RPL10A: variants seen among roughly 807,000 people sequenced by gnomAD.
RPL10A encodes the protein ribosomal protein L10a.
A neutral mutation model predicts 24.6 loss-of-function variants in RPL10A; 11 were observed. The observed-to-expected ratio is 0.45, with a 90% CI of 0.28 to 0.74. The LOEUF (loss-of-function observed/expected upper bound fraction) is 0.74, where lower values mean the gene tolerates loss of function less well. Among genes scored for constraint, RPL10A ranks in the 30% least tolerant of loss-of-function variants. The probability of loss-of-function intolerance (pLI) is 0.13; values close to 1 mark genes in which losing one functional copy is unlikely to be tolerated. For synonymous variants in RPL10A, 98 were observed against 108.5 expected (o/e 0.90, Z 0.60); for missense variants, 136 against 273.1 (o/e 0.50, Z 3.54).
In RPL10A at chr6:35,469,498, C is replaced by G. The variant is rs991411945; in HGVS notation, c.279C>G (p.Leu93=). The G allele has an allele frequency of 6.2e-7, 1 of 1,614,016 alleles. No homozygotes were observed. The highest frequency in any genetic ancestry group is 8.5e-7 in the Non-Finnish European group (1 of 1,179,970). ...TGGACATCGAGGCGCTGAAAAAACT[C>G]AACAAGAATAAAAAACTGGTCAAGA... is the stretch of plus-strand genomic sequence containing the variant. ...PHMDIEALKK[L]NKNKKLVKKL... The change falls in exon 4 of 6, where the codon CTC becomes CTG. Residue 93 remains leucine (L), a synonymous_variant. Transcript: ENST00000322203.
intron 3 of RPL10A, 122 bp from the exon 4 acceptor site, chr6:35,469,259 G>C: frequency 6.7e-7 from 1 of 1,502,520 alleles, no homozygotes; most frequent in Non-Finnish European, 8.9e-7. Flanking sequence ...AAGCCAGGCT[G>C]GCTGCTGGTG....
intron 3 of RPL10A, 66 bp from the exon 4 acceptor site, chr6:35,469,315 A>C: frequency 6.6e-7 from 1 of 1,523,270 alleles, no homozygotes; most frequent in South Asian, 1.3e-5. Context: ...GCGGTCCCAG[A>C]CCCTTCACCG....
Position 35,470,438 on chromosome 6 carries a change from C to A in RPL10A, c.483+87C>A. ...GTCTCTAAATATGCCAGTAAGAGCA[C>A]CCACCAGGATTGAAACTTTTGGAGT... On this transcript the variant is annotated intron_variant, in intron 5 of 5. Coordinates refer to ENST00000322203, the MANE Select transcript of RPL10A (RefSeq NM_007104.5). The surrounding 1 kb of genome is among the most constrained non-coding windows in gnomAD (Gnocchi z 4.6). 6.6e-7 allele frequency: 1 copy of A among 1,516,538 alleles called. No homozygotes were observed. The highest frequency in any genetic ancestry group is 8.9e-7 in the Non-Finnish European group (1 of 1,117,824). 93.9% of individuals were successfully genotyped at this position (1,516,538 alleles called of 1,614,324 possible).
intron 3 of RPL10A, 33 bp from the exon 4 acceptor site, chr6:35,469,348 C>A (rs769580401): frequency 6.4e-7 from 1 of 1,569,312 alleles, no homozygotes; most frequent in Non-Finnish European, 8.6e-7. Context: ...CAGGGCTAGG[C>A]GTAACCTGTT....
chr6:35,469,286 G>A (rs1767970674), intron 3 of RPL10A, 95 bp from the exon 4 acceptor site: 1 of 1,510,256 alleles, frequency 6.6e-7, no homozygotes, highest in East Asian at 2.3e-5. Flanking sequence ...AACGCTCCGG[G>A]TAAGGCTCGG....
rs1185767869 is a variant in RPL10A at position 35,470,716 on chromosome 6, A to G, written c.620A>G (p.Lys207Arg). Residue 207 changes from lysine (K) to arginine (R), a missense_variant, in exon 6 of 6, where the codon AAG (lysine) becomes AGG (arginine). Lys to Arg is a conservative substitution (Grantham distance 26). Transcript: ENST00000322203. This position sits in a 1 kb window ranked among gnomAD's most constrained non-coding sequence, Gnocchi z 4.6. ...NWQNVRALYI[K>R]STMGKPQRLY ...CAGAATGTCCGGGCCTTATATATCA[A>G]GAGCACCATGGGCAAGCCCCAGCGC... 3.7e-6 allele frequency: 6 copies of G among 1,605,756 alleles called. No homozygotes were observed. The highest frequency in any genetic ancestry group is 5.1e-6 in the Non-Finnish European group (6 of 1,179,990).
chr6:35,470,511 GGGGA>G lies in RPL10A; in HGVS notation c.484-66_484-63del. The G allele has an allele frequency of 2.0e-6, 3 of 1,534,522 alleles. No individual in the cohort carries two copies. Among genetic ancestry groups the G allele is most frequent in the South Asian group, 1.2e-5 (1 of 83,268 alleles). ...CAAGTACCTGCTCACCAGGCCACTGGGGGAGGAAGGACAGGCCATCTGCTATTCG... is the reference window on the plus strand; with the variant it reads ...CAAGTACCTGCTCACCAGGCCACTGGGGAAGGACAGGCCATCTGCTATTCG... On this transcript the variant is annotated intron_variant, in intron 5 of 5. Coordinates refer to ENST00000322203, the MANE Select transcript of RPL10A (RefSeq NM_007104.5). This position sits in a 1 kb window ranked among gnomAD's most constrained non-coding sequence, Gnocchi z 4.6.
intron 3 of RPL10A, 147 bp from the exon 4 acceptor site, chr6:35,469,234 G>A: frequency 2.0e-6 from 3 of 1,484,878 alleles, no homozygotes; most frequent in Non-Finnish European, 2.7e-6. Flanking sequence ...GGCCGAGCCC[G>A]CCGGCCAGCC....
At position 35,469,371 on chromosome 6, in the gene RPL10A, C is replaced by T. The variant is rs1767974836; in HGVS notation, c.162-10C>T. 6.3e-7 allele frequency: 1 copy of T among 1,596,286 alleles called. No individual in the cohort carries two copies. The highest frequency in any genetic ancestry group is 1.1e-5 in the South Asian group (1 of 88,684). Reference sequence around the variant, plus strand: ...GGCGTAACCTGTTGGTGCTGTCCCCCAAAACGCAGGCTTAAGTCCACTCCC... The same window carrying T: ...GGCGTAACCTGTTGGTGCTGTCCCCTAAAACGCAGGCTTAAGTCCACTCCC... On this transcript the variant is annotated splice_polypyrimidine_tract_variant and intron_variant, in intron 3 of 5. Coordinates refer to ENST00000322203, the MANE Select transcript of RPL10A (RefSeq NM_007104.5).
At chr6:35,469,353 C>A (rs1341166226) in intron 3 of RPL10A, 28 bp from the exon 4 acceptor site, 1 of 1,574,010 alleles carries the variant, frequency 6.4e-7, no homozygotes. Context: ...CTAGGCGTAA[C>A]CTGTTGGTGC....
Position 35,470,609 on chromosome 6 carries a change from C to T in RPL10A, c.513C>T (p.His171=), listed in dbSNP as rs144096254. 55 of 1,613,912 alleles carry T rather than the reference C, an allele frequency of 3.4e-5. 1 individual carries two copies. The highest frequency in any genetic ancestry group is 3.3e-4 in the Middle Eastern group (2 of 6,058). The change falls in exon 6 of 6, where the codon CAC becomes CAT. Residue 171 remains histidine, a synonymous_variant. Transcript: ENST00000322203. The surrounding 1 kb of genome is among the most constrained non-coding windows in gnomAD (Gnocchi z 4.6). The part of the protein sequence containing the change: ...KVLCLAVAVG[H]VKMTDDELVY... ...TATGTCTGGCTGTAGCTGTTGGTCA[C>T]GTGAAGATGACAGACGATGAGCTTG... is the stretch of plus-strand genomic sequence containing the variant.
chr6:35,469,988 A>T (rs1445114119), intron 4 of RPL10A, among the ~76,000 whole-genome samples, 191 bp from the exon 5 acceptor site: 1 of 152,018 alleles, frequency 6.6e-6, no homozygotes, highest in Non-Finnish European at 1.5e-5. Context: ...ATGTTTTGGG[A>T]CCAGTGAAGG....
At position 35,468,478 on chromosome 6, in the gene RPL10A, G is replaced by A. The variant is rs765414261; in HGVS notation, c.5+39G>A. 73 of 1,613,684 alleles carry A rather than the reference G, an allele frequency of 4.5e-5. 4 individuals are homozygous for A. The South Asian group carries it at 7.8e-4, about 17-fold the overall frequency. On this transcript the variant is annotated intron_variant, in intron 1 of 5. Transcript: ENST00000322203. ...GAAAGCCCTATCCGCGTTCATCCGC[G>A]CCTTCAGGTGCCCCGCCGAGGGTTC...
In RPL10A at chr6:35,468,452, T is replaced by G. The variant is rs765658864; in HGVS notation, c.5+13T>G. On this transcript the variant is annotated intron_variant, in intron 1 of 5. Transcript: ENST00000322203. ...GAGAAGCCATGAGGTGAGTTGGTCC[T>G]GAAAGCCCTATCCGCGTTCATCCGC... 1 of 1,613,888 alleles carries G rather than the reference T, an allele frequency of 6.2e-7. No individual in the cohort carries two copies. The highest frequency in any genetic ancestry group is 1.7e-5 in the Admixed American group (1 of 60,008).
chr6:35,470,506 C>A lies in RPL10A; in HGVS notation c.484-74C>A. 6.6e-7 allele frequency: 1 copy of A among 1,523,356 alleles called. No individual in the cohort carries two copies. The highest frequency in any genetic ancestry group is 9.0e-7 in the Non-Finnish European group (1 of 1,111,200). The allele number at this position is 1,523,356 out of a possible 1,614,324, so 94.4% of individuals were successfully genotyped here. ...GGGTCCAAGTACCTGCTCACCAGGCCACTGGGGGAGGAAGGACAGGCCATC... is the reference window on the plus strand; with the variant it reads ...GGGTCCAAGTACCTGCTCACCAGGCAACTGGGGGAGGAAGGACAGGCCATC... On this transcript the variant is annotated intron_variant, in intron 5 of 5. Transcript: ENST00000322203. This position sits in a 1 kb window ranked among gnomAD's most constrained non-coding sequence, Gnocchi z 4.6.
Position 35,470,509 on chromosome 6 carries a change from T to TG in RPL10A, c.484-66dup. The TG allele has an allele frequency of 7.2e-6, 11 of 1,532,840 alleles. No individual in the cohort carries two copies. Among genetic ancestry groups the TG allele is most frequent in the Non-Finnish European group, 9.8e-6 (11 of 1,118,874 alleles). 95.0% of individuals were successfully genotyped at this position (1,532,840 alleles called of 1,614,324 possible). ...TCCAAGTACCTGCTCACCAGGCCAC[T>TG]GGGGGAGGAAGGACAGGCCATCTGC... On this transcript the variant is annotated intron_variant, in intron 5 of 5. Transcript: ENST00000322203. The surrounding 1 kb of genome is among the most constrained non-coding windows in gnomAD (Gnocchi z 4.6).
chr6:35,468,925 TA>T (rs1767953929), intron 2 of RPL10A, 21 bp from the exon 3 acceptor site: 1 of 1,613,828 alleles, frequency 6.2e-7, no homozygotes, highest in Non-Finnish European at 8.5e-7. Flanking sequence ...GGCGGGTGCT[TA>T]ACCCCCCTCC....
At position 35,470,188 on chromosome 6, in the gene RPL10A, A is replaced by T. The variant is rs1768000189; in HGVS notation, c.320A>T (p.Tyr107Phe). The T allele has an allele frequency of 6.2e-7, 1 of 1,613,236 alleles. No individual in the cohort carries two copies. The highest frequency in any genetic ancestry group is 1.3e-5 in the African/African-American group (1 of 74,914). The stretch of plus-strand genomic sequence containing the variant: ...TTCCTCTCTCTATCAGCCAAGAAGT[A>T]TGATGCGTTTTTGGCCTCAGAGTCT... ...KKLVKKLAKKYDAFLASESLI... is the reference protein window; with the variant it reads ...KKLVKKLAKKFDAFLASESLI... The change falls in exon 5 of 6, where the codon TAT becomes TTT. Residue 107 changes from tyrosine to phenylalanine, a missense_variant. Around this residue, in one of 3 missense-constraint regions of RPL10A, gnomAD observed 88 missense variants for 149.2 expected, o/e 0.59. Coordinates refer to ENST00000322203, the MANE Select transcript of RPL10A (RefSeq NM_007104.5). This position sits in a 1 kb window ranked among gnomAD's most constrained non-coding sequence, Gnocchi z 4.6.
chr6:35,468,968 G>T lies in RPL10A; in HGVS notation c.102G>T (p.Leu34Phe). Residue 34 changes from leucine (L) to phenylalanine (F), a missense_variant, in exon 3 of 6, where the codon TTG (leucine) becomes TTT (phenylalanine). Physicochemically the swap from Leu to Phe is conservative, Grantham distance 22. Transcript: ENST00000322203. The stretch of plus-strand genomic sequence containing the variant: ...GAAGGTTCCTGGAGACGGTGGAGTT[G>T]CAGATCAGCTTGAAGAACTATGATC... ...KRRKFLETVELQISLKNYDPQ... is the reference protein window; with the variant it reads ...KRRKFLETVEFQISLKNYDPQ... 1 of 1,613,912 alleles carries T rather than the reference G, an allele frequency of 6.2e-7. No homozygotes were observed. The highest frequency in any genetic ancestry group is 8.5e-7 in the Non-Finnish European group (1 of 1,179,942).
Sources: gnomAD v4.1 joint callset for allele counts (sites outside exome capture counted in the v4.1 genomes callset) on GRCh38, gnomAD v4.1.1 for gene constraint, gnomAD v4.1.1 regional missense constraint, Gnocchi (gnomAD v3.1) non-coding constraint, MANE v1.5 for transcripts, NCBI Gene and HGNC (gene_info 2026-07-23, HGNC 2026-07-21) for gene names.